The following GPD1L variants were observed in gnomAD, a reference collection of about 807,000 sequenced individuals.
GPD1L encodes glycerol-3-phosphate dehydrogenase 1-like protein.
Under a neutral mutation model 32.9 loss-of-function variants are expected in GPD1L, and 17 were observed. That is an observed-to-expected ratio of 0.52 (90% CI 0.35 to 0.78). GPD1L has a LOEUF of 0.78. Among genes scored for constraint, GPD1L ranks in the 30% least tolerant of loss-of-function variants. The pLI, the probability that GPD1L is intolerant of heterozygous loss-of-function variation, is 0.01. For missense variants in GPD1L, 361 were observed against 447.8 expected (o/e 0.81, Z 1.75); for synonymous variants, 187 against 165.9 (o/e 1.13, Z -0.98).
intron 3 of GPD1L, among the ~76,000 whole-genome samples, chr3:32,139,161 G>A (rs557171782): frequency 1.3e-5 from 2 of 152,204 alleles, no homozygotes; most frequent in East Asian, 3.9e-4. Flanking sequence ...TAAATGTGGT[G>A]GAAAAAAATC....
chr3:32,127,487 C>T (rs1700526879), intron 1 of GPD1L, among the ~76,000 whole-genome samples: 1 of 152,208 alleles, frequency 6.6e-6, no homozygotes, highest in South Asian at 2.1e-4. Context: ...GTAGGAAAGC[C>T]TGTGGGAGAC....
chr3:32,153,357 A>T (rs113633087), intron 5 of GPD1L, among the ~76,000 whole-genome samples: 36 of 152,358 alleles, frequency 2.4e-4, no homozygotes, highest in African/African-American at 8.7e-4. Flanking sequence ...TAAAAATTCC[A>T]TTTCGGAGTC....
chr3:32,125,031 C>CAA (rs5847736), intron 1 of GPD1L, among the ~76,000 whole-genome samples: 1 of 151,844 alleles, frequency 6.6e-6, no homozygotes, highest in African/African-American at 2.4e-5. Context: ...CCACCCTTGC[C>CAA]AAAAAAATTA....
intron 1 of GPD1L, among the ~76,000 whole-genome samples, chr3:32,121,609 ATATTTC>A (rs1700417675): frequency 5.8e-5 from 6 of 103,870 alleles, no homozygotes; most frequent in African/African-American, 1.7e-4. Flanking sequence ...ATTTCTATAT[ATATTTC>A]TATATATATT....
chr3:32,110,197 C>T (rs1641205227), intron 1 of GPD1L, among the ~76,000 whole-genome samples: 2 of 152,218 alleles, frequency 1.3e-5, no homozygotes, highest in South Asian at 2.1e-4. Flanking sequence ...GGATTACAGG[C>T]GTAAGCCACT....
At chr3:32,126,387 A>G (rs113580075) in intron 1 of GPD1L, among the ~76,000 whole-genome samples, 1 of 152,126 alleles carries the variant, frequency 6.6e-6, no homozygotes, top group African/African-American at 2.4e-5. Flanking sequence ...CACTTGGTTT[A>G]CTAGACTTAG....
chr3:32,150,289 T>C (rs535087571), intron 5 of GPD1L, among the ~76,000 whole-genome samples: 1 of 152,314 alleles, frequency 6.6e-6, no homozygotes, highest in Admixed American at 6.5e-5. Flanking sequence ...GTACTTCATA[T>C]AGAAAAGTAC....
rs1396615458 is a variant in GPD1L, at chr3:32,166,782, G to A, written c.*872G>A. The A allele has an allele frequency of 6.6e-6, 1 of 152,452 alleles. No individual in the cohort carries two copies. Among genetic ancestry groups the A allele is most frequent in the East Asian group, 1.9e-4 (1 of 5,196 alleles). 9.4% of individuals were successfully genotyped at this position (152,452 alleles called of 1,614,324 possible). On this transcript the variant is annotated 3_prime_UTR_variant, in exon 8 of 8. Coordinates refer to ENST00000282541, the MANE Select transcript of GPD1L (RefSeq NM_015141.4). The stretch of plus-strand genomic sequence containing the variant: ...CACCTAGTGAGCAGGGACAGAGCCA[G>A]GAGTCAAGTGCAGTGCCAAGGTGCA...
At chr3:32,147,363 G>A (rs946993777) in intron 5 of GPD1L, among the ~76,000 whole-genome samples, 2 of 152,104 alleles carry the variant, frequency 1.3e-5, no homozygotes, top group African/African-American at 4.8e-5. Flanking sequence ...AATTTTAAGA[G>A]GTACTTCATA....
intron 2 of GPD1L, among the ~76,000 whole-genome samples, chr3:32,137,072 G>A (rs1700673331): frequency 6.6e-6 from 1 of 152,150 alleles, no homozygotes; most frequent in African/African-American, 2.4e-5. Flanking sequence ...TTGGCTGGGA[G>A]TTGGCAATCT....
chr3:32,113,351 A>G (rs1700281377), intron 1 of GPD1L, among the ~76,000 whole-genome samples: 1 of 152,206 alleles, frequency 6.6e-6, no homozygotes, highest in Non-Finnish European at 1.5e-5. Flanking sequence ...AGCAACACTT[A>G]GGTGAGCCTA....
chr3:32,158,730 A>G (rs942053969), intron 5 of GPD1L, 146 bp from the exon 6 acceptor site: 6 of 1,515,698 alleles, frequency 4.0e-6, no homozygotes, highest in African/African-American at 2.8e-5. Context: ...ACCCAGGTGT[A>G]CAAGAGCAGA....
intron 5 of GPD1L, among the ~76,000 whole-genome samples, chr3:32,157,493 C>T (rs552269259): frequency 2.0e-5 from 3 of 152,172 alleles, no homozygotes; most frequent in Admixed American, 6.5e-5. Context: ...CCCTGCCACC[C>T]GCTAGCCCCT....
At chr3:32,121,001 C>T (rs530004068) in intron 1 of GPD1L, among the ~76,000 whole-genome samples, 1 of 152,210 alleles carries the variant, frequency 6.6e-6, no homozygotes, top group East Asian at 1.9e-4. Context: ...GTCCATCCAG[C>T]TGGGACTCAG....
At chr3:32,108,443 G>T (rs1038242627) in intron 1 of GPD1L, among the ~76,000 whole-genome samples, 6 of 152,176 alleles carry the variant, frequency 3.9e-5, no homozygotes, top group African/African-American at 1.4e-4. Flanking sequence ...GGAGGCAGAG[G>T]TTGCAGTGAG....
At position 32,132,965 on chromosome 3, in the gene GPD1L, A is replaced by C. The variant is rs74720918; in HGVS notation, c.225+4712A>C. Among the ~76,000 whole-genome samples the C allele has an allele frequency of 0.024, 3,616 of 152,318 alleles. 299 individuals are homozygous for C. The East Asian group carries it at 0.26, about 11-fold the overall frequency. On this transcript the variant is annotated intron_variant, in intron 2 of 7. Coordinates refer to ENST00000282541, the MANE Select transcript of GPD1L (RefSeq NM_015141.4). ...GAGCCAAGTATGTGAATTTCACCTG[A>C]GATCTTGGCTGCAAGTGAGATGAAG...
chr3:32,121,336 G>A (rs9817129), intron 1 of GPD1L, among the ~76,000 whole-genome samples: 41,571 of 147,986 alleles, frequency 0.28, 7,416 homozygotes, highest in African/African-American at 0.49. Context: ...CCTGCTATGA[G>A]TGAGCTTTGC....
intron 3 of GPD1L, 37 bp from the exon 4 acceptor site, chr3:32,140,191 C>A: frequency 6.2e-7 from 1 of 1,611,960 alleles, no homozygotes; most frequent in Non-Finnish European, 8.5e-7. Context: ...TTTGATTTGG[C>A]GGTTTGTTCT....
intron 1 of GPD1L, among the ~76,000 whole-genome samples, chr3:32,108,725 A>G (rs1472011604): frequency 6.6e-6 from 1 of 152,224 alleles, no homozygotes; most frequent in African/African-American, 2.4e-5. Flanking sequence ...AGGGTATTGC[A>G]TACTTTTCTG....
Sources: gnomAD v4.1 joint callset for allele counts (sites outside exome capture counted in the v4.1 genomes callset) on GRCh38, gnomAD v4.1.1 for gene constraint, MANE v1.5 for transcripts, NCBI Gene and HGNC (gene_info 2026-07-23, HGNC 2026-07-21) for gene names.